Variants in ADGRA2 observed in about 807,000 individuals in gnomAD.
The protein encoded by ADGRA2 is adhesion G protein-coupled receptor A2, also known as G-protein coupled receptor 124.
Under a neutral mutation model 98.7 loss-of-function variants are expected in ADGRA2, and 61 were observed. The ratio of observed to expected loss-of-function variants is 0.62; its 90% confidence interval spans 0.50 to 0.76. The LOEUF is 0.76. ADGRA2 is among the 30% of genes least tolerant of loss of function. ADGRA2 has a pLI of 0.00. For synonymous variants in ADGRA2, 858 were observed against 831.5 expected, an observed-to-expected ratio of 1.03 and a Z score of -0.55; for missense variants, 1,712 against 1,860.0, an observed-to-expected ratio of 0.92 and a Z score of 1.46.
At position 37,842,648 on chromosome 8, in the gene ADGRA2, C is replaced by T. The variant is rs375994793; in HGVS notation, c.*293C>T. 25 of 349,736 alleles carry T rather than the reference C, an allele frequency of 7.1e-5. 1 individual carries two copies. The highest frequency in any genetic ancestry group is 5.3e-4 in the African/African-American group (25 of 47,362). 21.7% of individuals were successfully genotyped at this position (349,736 alleles called of 1,614,324 possible). On this transcript the variant is annotated 3_prime_UTR_variant, in exon 19 of 19. Transcript: ENST00000412232. ...CTGTGTGAAAGGGCACAGCACATCCCAGGTGCACCCTCCCCAAGTACTCCC... is the reference window on the plus strand; with the variant it reads ...CTGTGTGAAAGGGCACAGCACATCCTAGGTGCACCCTCCCCAAGTACTCCC...
rs571466382 is a variant in ADGRA2, at chr8:37,805,058, C to T, written c.266+7524C>T. ...CCCAGAAAGGCTGTACCGTGGAGCC[C>T]GGCTCACTCAGAGAAGGATGGATGC... On this transcript the variant is annotated intron_variant, in intron 1 of 18. Transcript: ENST00000412232. Among the ~76,000 whole-genome samples, 142 of 152,310 alleles carry T rather than the reference C, an allele frequency of 9.3e-4. 1 individual carries two copies. The highest frequency in any genetic ancestry group is 6.2e-3 in the South Asian group (30 of 4,826).
rs1805880718 is a variant in ADGRA2, at chr8:37,843,570, G to A, written c.*1215G>A. 6.6e-6 allele frequency: 1 copy of A among 152,152 alleles called. No individual in the cohort carries two copies. Among genetic ancestry groups the A allele is most frequent in the South Asian group, 2.1e-4 (1 of 4,820 alleles). The allele number at this position is 152,152 out of a possible 1,614,324, so 9.4% of individuals were successfully genotyped here. ...CAAATGGAAACCGAGGGAACCCTGG[G>A]TCTTGGGAAGAACAACAGGAAACCA... On this transcript the variant is annotated 3_prime_UTR_variant, in exon 19 of 19. Transcript: ENST00000412232.
chr8:37,839,688 G>A lies in ADGRA2; in HGVS notation c.2511+66G>A. On this transcript the variant is annotated intron_variant, in intron 16 of 18. Transcript: ENST00000412232. ...GAGTGCTGGCACCTAGGCATAGAGT[G>A]GGGTGATGCGCTGGAAGAAAAAGGC... 4 of 1,571,306 alleles carry A rather than the reference G, an allele frequency of 2.5e-6. No homozygotes were observed. The South Asian group carries it at 4.6e-5, about 18-fold the overall frequency.
At position 37,829,376 on chromosome 8, in the gene ADGRA2, A is replaced by G. The variant is rs771180821; in HGVS notation, c.482+44A>G. ...AGTGGGGAGGGGAGGAGAGGGAAGA[A>G]GTGCATAGGAAGCAAAATGTGGCCC... On this transcript the variant is annotated intron_variant, in intron 4 of 18. Coordinates refer to ENST00000412232, the MANE Select transcript of ADGRA2 (RefSeq NM_032777.10). 4.4e-6 allele frequency: 7 copies of G among 1,577,848 alleles called. No individual in the cohort carries two copies. The African/African-American group carries it at 9.5e-5, about 21-fold the overall frequency.
At chr8:37,825,262 T>G (rs937870325) in intron 2 of ADGRA2, among the ~76,000 whole-genome samples, 3 of 152,074 alleles carry the variant, frequency 2.0e-5, no homozygotes, top group Admixed American at 1.3e-4. Context: ...ATTTTTTTTT[T>G]AAGAGTCTCA....
intron 2 of ADGRA2, among the ~76,000 whole-genome samples, chr8:37,827,551 T>C (rs1805316072): frequency 6.6e-6 from 1 of 152,186 alleles, no homozygotes; most frequent in Non-Finnish European, 1.5e-5. Context: ...TGCCGCTCAC[T>C]CCTCCAGGCC....
intron 5 of ADGRA2, 123 bp from the exon 6 acceptor site, chr8:37,829,728 T>C: frequency 2.8e-6 from 3 of 1,062,014 alleles, no homozygotes; most frequent in South Asian, 1.4e-5. Flanking sequence ...GCAGAGATGG[T>C]GCACATAGAC....
Position 37,838,993 on chromosome 8 carries a change from G to A in ADGRA2, c.2297G>A (p.Gly766Glu). 1 of 1,583,800 alleles carries A rather than the reference G, an allele frequency of 6.3e-7. No individual in the cohort carries two copies. ...SAFPREVGGA[G>E]AGLHPVVYPC... ...TTTCCCAGGGAGGTGGGGGGCGCCG[G>A]GGCAGGGCTGCACCCCGTGGTATAC... Residue 766 changes from glycine to glutamate, a missense_variant, in exon 15 of 19, where the codon GGG (glycine) becomes GAG (glutamate). Gly to Glu is a moderately conservative substitution (Grantham distance 98). Transcript: ENST00000412232.
rs1386719440 is a variant in ADGRA2, at chr8:37,837,759, G to T, written c.2079G>T (p.Glu693Asp). Reference protein sequence around the residue: ...TSGCGVGNLTEPVAVSLRHWA... With the variant: ...TSGCGVGNLTDPVAVSLRHWA... ...GCTGTGGCGTGGGAAACCTGACAGA[G>T]CCAGTGGCCGTTTCGCTGCGGCACT... is the stretch of plus-strand genomic sequence containing the variant. The change falls in exon 14 of 19, where the codon GAG (glutamate) becomes GAT (aspartate). Residue 693 changes from glutamate to aspartate, a missense_variant. Physicochemically the swap from Glu to Asp is conservative, Grantham distance 45. Transcript: ENST00000412232. The T allele has an allele frequency of 6.4e-7, 1 of 1,553,240 alleles. No homozygotes were observed. Among genetic ancestry groups the T allele is most frequent in the Non-Finnish European group, 8.7e-7 (1 of 1,148,460 alleles).
Position 37,834,273 on chromosome 8 carries a change from G to A in ADGRA2, c.1608+145G>A. The A allele has an allele frequency of 2.5e-6, 2 of 804,174 alleles. No individual in the cohort carries two copies. Among genetic ancestry groups the A allele is most frequent in the Non-Finnish European group, 3.8e-6 (2 of 520,918 alleles). 49.8% of individuals were successfully genotyped at this position (804,174 alleles called of 1,614,324 possible). A position where few individuals can be genotyped will look rare whatever the true frequency, so the allele number is the denominator to read the frequency against. On this transcript the variant is annotated intron_variant, in intron 11 of 18. Coordinates refer to ENST00000412232, the MANE Select transcript of ADGRA2 (RefSeq NM_032777.10). This position sits in a 1 kb window ranked among gnomAD's most constrained non-coding sequence, Gnocchi z 4.2. ...CATGGGGTTCACTTCCAAGTTGTCAGGGGCAGTGCTAAGGAGAGGTGGCCG... is the reference window on the plus strand; with the variant it reads ...CATGGGGTTCACTTCCAAGTTGTCAAGGGCAGTGCTAAGGAGAGGTGGCCG...
At chr8:37,823,756 T>C (rs1805190962) in intron 2 of ADGRA2, among the ~76,000 whole-genome samples, 1 of 152,216 alleles carries the variant, frequency 6.6e-6, no homozygotes, top group Admixed American at 6.5e-5. Flanking sequence ...ACAGCTGTCT[T>C]AGTAGGTGTC....
rs1325469184 is a variant in ADGRA2 at position 37,802,916 on chromosome 8, A to C, written c.266+5382A>C. Reference sequence around the variant, plus strand: ...CGCCCCCAGTGGGTCCAAGATCCCAAATGTGTTATTTGGCCGGAGTTACTC... The same window carrying C: ...CGCCCCCAGTGGGTCCAAGATCCCACATGTGTTATTTGGCCGGAGTTACTC... On this transcript the variant is annotated intron_variant, in intron 1 of 18. Transcript: ENST00000412232. The surrounding 1 kb of genome is among the most constrained non-coding windows in gnomAD (Gnocchi z 4.7). 6.6e-6 allele frequency among the ~76,000 whole-genome samples: 1 copy of C among 152,104 alleles called. No individual in the cohort carries two copies. Among genetic ancestry groups the C allele is most frequent in the African/African-American group, 2.4e-5 (1 of 41,414 alleles).
At position 37,834,252 on chromosome 8, in the gene ADGRA2, G is replaced by A; in HGVS notation, c.1608+124G>A. Reference sequence around the variant, plus strand: ...AGACGTGACAAAGTTCTGAGCCATGGGGTTCACTTCCAAGTTGTCAGGGGC... The same window carrying A: ...AGACGTGACAAAGTTCTGAGCCATGAGGTTCACTTCCAAGTTGTCAGGGGC... On this transcript the variant is annotated intron_variant, in intron 11 of 18. Transcript: ENST00000412232. The surrounding 1 kb of genome is among the most constrained non-coding windows in gnomAD (Gnocchi z 4.2). 1.1e-6 allele frequency: 1 copy of A among 939,254 alleles called. No individual in the cohort carries two copies. Among genetic ancestry groups the A allele is most frequent in the South Asian group, 1.7e-5 (1 of 59,088 alleles). 58.2% of individuals were successfully genotyped at this position (939,254 alleles called of 1,614,324 possible).
rs1805407080 is a variant in ADGRA2 at position 37,830,022 on chromosome 8, A to G, written c.718+8A>G. ...AGGCCCAGCTCTGCTGCGGTGAGCA[A>G]GTCCCCCCAGCTACACATCTCCCAG... On this transcript the variant is annotated splice_region_variant and intron_variant, in intron 6 of 18. Coordinates refer to ENST00000412232, the MANE Select transcript of ADGRA2 (RefSeq NM_032777.10). The surrounding 1 kb of genome is among the most constrained non-coding windows in gnomAD (Gnocchi z 4.8). 3.3e-6 allele frequency: 5 copies of G among 1,517,760 alleles called. No individual in the cohort carries two copies. The highest frequency in any genetic ancestry group is 4.4e-6 in the Non-Finnish European group (5 of 1,131,420). 94.0% of individuals were successfully genotyped at this position (1,517,760 alleles called of 1,614,324 possible).
Position 37,797,312 on chromosome 8 carries a change from TGCTGCTGCC to T in ADGRA2, c.55_63del (p.Leu19_Pro21del), listed in dbSNP as rs1043372230. On this transcript the variant is annotated inframe_deletion, in exon 1 of 19. Coordinates refer to ENST00000412232, the MANE Select transcript of ADGRA2 (RefSeq NM_032777.10). This position sits in a 1 kb window ranked among gnomAD's most constrained non-coding sequence, Gnocchi z 5.3. ...AGGATGCGGGGGGCGCCCGCGCGCC[TGCTGCTGCC>T]GCTGCTGCCGTGGCTCCTGCTGCTC... 28 of 1,322,792 alleles carry T rather than the reference TGCTGCTGCC, an allele frequency of 2.1e-5. No homozygotes were observed. Among genetic ancestry groups the T allele is most frequent in the Admixed American group, 4.1e-5 (1 of 24,312 alleles). The allele number at this position is 1,322,792 out of a possible 1,614,324, so 81.9% of individuals were successfully genotyped here.
chr8:37,833,601 C>A, intron 9 of ADGRA2, 87 bp from the exon 10 acceptor site: 1 of 1,377,756 alleles, frequency 7.3e-7, no homozygotes, highest in Non-Finnish European at 1.0e-6. Context: ...AGGCACTGAG[C>A]ACTGGCACAG....
At chr8:37,833,267 G>A in intron 9 of ADGRA2, 59 bp downstream of exon 9, 1 of 1,370,374 alleles carries the variant, frequency 7.3e-7, no homozygotes. Flanking sequence ...GAAGGGAGAA[G>A]CCAACCTAAC....
Position 37,841,415 on chromosome 8 carries a change from A to T in ADGRA2, c.3077A>T (p.His1026Leu). The change falls in exon 19 of 19, where the codon CAC becomes CTC. Residue 1026 changes from histidine to leucine, a missense_variant. By Grantham distance (99) the His-to-Leu change is moderately conservative (BLOSUM62 -3). Transcript: ENST00000412232. This position sits in a 1 kb window ranked among gnomAD's most constrained non-coding sequence, Gnocchi z 5.0. ...CAGCTAGGGGCGCTGGTGACCACGC[A>T]CTTCCTGTACTTGGCCATGTGGGCC... Reference protein sequence around the residue: ...GVQLGALVTTHFLYLAMWACG... With the variant: ...GVQLGALVTTLFLYLAMWACG... 1 of 1,612,936 alleles carries T rather than the reference A, an allele frequency of 6.2e-7. No homozygotes were observed. The highest frequency in any genetic ancestry group is 1.3e-5 in the African/African-American group (1 of 75,040).
rs2129945987 is a variant in ADGRA2 at position 37,814,404 on chromosome 8, C to T, written c.267-492C>T. 6.6e-6 allele frequency among the ~76,000 whole-genome samples: 1 copy of T among 152,334 alleles called. No homozygotes were observed. Among genetic ancestry groups the T allele is most frequent in the South Asian group, 2.1e-4 (1 of 4,830 alleles). ...GGGGGCCTGTGAGGTCCTTCGCTCA[C>T]AGGTGAGAGTGTGCGAGCCTCCGAG... is the stretch of plus-strand genomic sequence containing the variant. On this transcript the variant is annotated intron_variant, in intron 1 of 18. Coordinates refer to ENST00000412232, the MANE Select transcript of ADGRA2 (RefSeq NM_032777.10). The surrounding 1 kb of genome is among the most constrained non-coding windows in gnomAD (Gnocchi z 4.3).
Sources: gnomAD v4.1 joint callset for allele counts (sites outside exome capture counted in the v4.1 genomes callset) on GRCh38, gnomAD v4.1.1 for gene constraint, Gnocchi (gnomAD v3.1) non-coding constraint, MANE v1.5 for transcripts, NCBI Gene and HGNC (gene_info 2026-07-23, HGNC 2026-07-21) for gene names.